The following RUNX2 variants were observed in gnomAD, a reference collection of about 807,000 sequenced individuals.
The protein encoded by RUNX2 is RUNX family transcription factor 2.
A neutral mutation model predicts 51.7 loss-of-function variants in RUNX2; 10 were observed. The observed-to-expected ratio is 0.19, with a 90% confidence interval of 0.12 to 0.33. The LOEUF (loss-of-function observed/expected upper bound fraction) is 0.33. Ranked by LOEUF, RUNX2 falls within the 10% of genes least tolerant of loss-of-function variation. The probability of loss-of-function intolerance (pLI) is 1.00; values close to 1 mark genes in which losing one functional copy is unlikely to be tolerated. For synonymous variants in RUNX2, 276 were observed against 273.6 expected (o/e 1.01, Z -0.09); for missense variants, 562 against 691.3 (o/e 0.81, Z 2.10).
intron 7 of RUNX2, among the ~76,000 whole-genome samples, chr6:45,531,118 ACT>A: frequency 6.6e-6 from 1 of 152,132 alleles, no homozygotes; most frequent in East Asian, 1.9e-4. Context: ...GAGAGTGAAA[ACT>A]CAATTCCAGG....
At chr6:45,409,619 A>T (rs571458593) in intron 2 of RUNX2, among the ~76,000 whole-genome samples, 2 of 152,338 alleles carry the variant, frequency 1.3e-5, no homozygotes, top group African/African-American at 4.8e-5. Flanking sequence ...TCCCAACAAG[A>T]TGTAAGAAAG....
At chr6:45,470,394 A>G (rs1799762175) in intron 5 of RUNX2, among the ~76,000 whole-genome samples, 1 of 152,218 alleles carries the variant, frequency 6.6e-6, no homozygotes, top group Non-Finnish European at 1.5e-5. Context: ...CAGTCAATTA[A>G]AAACCAGCTC....
intron 3 of RUNX2, among the ~76,000 whole-genome samples, chr6:45,424,272 G>A (rs762740278): frequency 1.1e-4 from 17 of 152,354 alleles, no homozygotes; most frequent in Middle Eastern, 3.4e-3. Context: ...ATTTCCCGGG[G>A]TAGCCCTCTA....
rs569361181 is a variant in RUNX2, at chr6:45,508,081, C to G, written c.860-4165C>G. On this transcript the variant is annotated intron_variant, in intron 6 of 8. Coordinates refer to ENST00000647337, the MANE Select transcript of RUNX2 (RefSeq NM_001024630.4). ...GGTGGAGCTTGGATTGGTAATCACT[C>G]ATTCACAAGGTATTAGAGAAGGCAT... Among the ~76,000 whole-genome samples the G allele has an allele frequency of 3.1e-4, 47 of 152,278 alleles. No homozygotes were observed. In the South Asian group the frequency reaches 3.7e-3, roughly 12 times the overall value.
At position 45,421,165 on chromosome 6, in the gene RUNX2, G is replaced by A. The variant is rs373375251; in HGVS notation, c.59-1428G>A. On this transcript the variant is annotated intron_variant, in intron 2 of 8. Transcript: ENST00000647337. ...GAAACTTAGTCTTAGATGTAGAATA[G>A]ACTTAATAAAATATTTAAATTCATG... 1.2e-4 allele frequency: 19 copies of A among 152,250 alleles called. 1 individual carries two copies. The highest frequency in any genetic ancestry group is 3.1e-4 in the African/African-American group (13 of 41,538). 9.4% of individuals were successfully genotyped at this position (152,250 alleles called of 1,614,324 possible).
At chr6:45,423,130 G>A (rs1438793127) in intron 3 of RUNX2, among the ~76,000 whole-genome samples, 173 bp downstream of exon 3, 2 of 151,870 alleles carry the variant, frequency 1.3e-5, no homozygotes, top group Non-Finnish European at 2.9e-5. Flanking sequence ...GCGGGCTCGG[G>A]GCTCAGTCCC....
chr6:45,403,452 C>T (rs911748974), intron 2 of RUNX2, among the ~76,000 whole-genome samples: 26 of 152,110 alleles, frequency 1.7e-4, no homozygotes, highest in Admixed American at 7.2e-4. Context: ...AGGCTGGTCT[C>T]GAACTCCTGA....
At chr6:45,506,967 T>TC (rs1217977339) in intron 6 of RUNX2, among the ~76,000 whole-genome samples, 1 of 148,856 alleles carries the variant, frequency 6.7e-6, no homozygotes, top group Non-Finnish European at 1.5e-5. Context: ...CAGTTTTCTT[T>TC]CCTTTTTTTT....
At position 45,550,118 on chromosome 6, in the gene RUNX2, G is replaced by A; in HGVS notation, c.*2813G>A. 6.6e-6 allele frequency: 1 copy of A among 152,246 alleles called. No individual in the cohort carries two copies. Among genetic ancestry groups the A allele is most frequent in the East Asian group, 1.9e-4 (1 of 5,186 alleles). 9.4% of individuals were successfully genotyped at this position (152,246 alleles called of 1,614,324 possible). On this transcript the variant is annotated 3_prime_UTR_variant, in exon 9 of 9. Coordinates refer to ENST00000647337, the MANE Select transcript of RUNX2 (RefSeq NM_001024630.4). ...TGTGGAACCATGTACTAGTTCCTGG[G>A]AATTAAAATAGCGTGGTTCTCTTTG... is the stretch of plus-strand genomic sequence containing the variant.
At chr6:45,506,944 C>T (rs1424385031) in intron 6 of RUNX2, among the ~76,000 whole-genome samples, 1 of 152,006 alleles carries the variant, frequency 6.6e-6, no homozygotes, top group Non-Finnish European at 1.5e-5. Context: ...GCCTGAGCCA[C>T]CGTGCCTGGC....
intron 3 of RUNX2, among the ~76,000 whole-genome samples, chr6:45,428,803 A>G (rs1488748647): frequency 6.7e-6 from 1 of 150,338 alleles, no homozygotes; most frequent in East Asian, 2.0e-4. Flanking sequence ...ATAATGTCCC[A>G]GAGTTCTTGA....
chr6:45,525,268 C>A (rs549858661), intron 7 of RUNX2, among the ~76,000 whole-genome samples: 19 of 152,338 alleles, frequency 1.2e-4, no homozygotes, highest in African/African-American at 4.3e-4. Context: ...CACATAACCT[C>A]TTTAATCCAG....
At chr6:45,331,491 C>T (rs1219068655) in intron 2 of RUNX2, among the ~76,000 whole-genome samples, 1 of 151,682 alleles carries the variant, frequency 6.6e-6, no homozygotes, top group East Asian at 1.9e-4. Context: ...AGCTAAATTC[C>T]AAAACTAGGG....
At chr6:45,509,043 T>C (rs1801063719) in intron 6 of RUNX2, among the ~76,000 whole-genome samples, 2 of 152,186 alleles carry the variant, frequency 1.3e-5, no homozygotes, top group South Asian at 4.1e-4. Context: ...TTATTTTTAA[T>C]AATGATGATT....
intron 2 of RUNX2, 55 bp downstream of exon 2, chr6:45,328,839 G>C: frequency 6.4e-7 from 1 of 1,557,448 alleles, no homozygotes; most frequent in South Asian, 1.1e-5. Context: ...AAACATAAAG[G>C]TATGATTCTT....
intron 7 of RUNX2, among the ~76,000 whole-genome samples, chr6:45,533,263 G>A (rs1001191757): frequency 2.0e-5 from 3 of 151,992 alleles, no homozygotes; most frequent in South Asian, 2.1e-4. Context: ...GGAAAATTTC[G>A]CTATTTGGCT....
At chr6:45,545,158 A>T in intron 7 of RUNX2, 59 bp from the exon 8 acceptor site, 1 of 1,358,770 alleles carries the variant, frequency 7.4e-7, no homozygotes, top group Non-Finnish European at 1.0e-6. Context: ...CTTGGAATTC[A>T]TAGTCATAGA....
rs1246271912 is a variant in RUNX2 at position 45,547,507 on chromosome 6, A to G, written c.*202A>G. On this transcript the variant is annotated 3_prime_UTR_variant, in exon 9 of 9. Coordinates refer to ENST00000647337, the MANE Select transcript of RUNX2 (RefSeq NM_001024630.4). ...GATATTGAGAAGCAGAAGGCTCAAGAGAGACAATTGCAATCGAGCTTCAGA... is the reference window on the plus strand; with the variant it reads ...GATATTGAGAAGCAGAAGGCTCAAGGGAGACAATTGCAATCGAGCTTCAGA... 3 of 600,190 alleles carry G rather than the reference A, an allele frequency of 5.0e-6. No individual in the cohort carries two copies. Among genetic ancestry groups the G allele is most frequent in the South Asian group, 4.0e-5 (2 of 50,282 alleles). 37.2% of individuals were successfully genotyped at this position (600,190 alleles called of 1,614,324 possible).
At chr6:45,524,838 C>G (rs1314971307) in intron 7 of RUNX2, among the ~76,000 whole-genome samples, 1 of 152,134 alleles carries the variant, frequency 6.6e-6, no homozygotes, top group African/African-American at 2.4e-5. Context: ...AGAGGCTGGG[C>G]GCGGTGGCTC....
Sources: gnomAD v4.1 joint callset for allele counts (sites outside exome capture counted in the v4.1 genomes callset) on GRCh38, gnomAD v4.1.1 for gene constraint, MANE v1.5 for transcripts, NCBI Gene and HGNC (gene_info 2026-07-23, HGNC 2026-07-21) for gene names.